TTC13: variants seen among roughly 807,000 people sequenced by gnomAD.
TTC13 encodes the protein tetratricopeptide repeat domain 13, also known as tetratricopeptide repeat protein 13.
TTC13 carries 62 observed loss-of-function variants against 120.0 expected under a neutral mutation model. The ratio of observed to expected loss-of-function variants is 0.52; its 90% confidence interval spans 0.42 to 0.64. TTC13 has a LOEUF of 0.64. TTC13 is among the 30% of genes least tolerant of loss of function. The probability of loss-of-function intolerance (pLI) is 0.00; values close to 1 mark genes in which losing one functional copy is unlikely to be tolerated. For missense variants in TTC13, 824 were observed against 1,050.2 expected, an observed-to-expected ratio of 0.78 and a Z score of 2.98; for synonymous variants, 384 against 393.5, an observed-to-expected ratio of 0.98 and a Z score of 0.28.
chr1:230,932,821 T>C (rs1397932397), intron 9 of TTC13, among the ~76,000 whole-genome samples: 5 of 152,148 alleles, frequency 3.3e-5, no homozygotes, highest in Non-Finnish European at 7.4e-5. Flanking sequence ...TCCGTCGCTG[T>C]CTTTCTTTTC....
intron 20 of TTC13, 165 bp downstream of exon 20, chr1:230,911,305 T>C: frequency 3.9e-6 from 2 of 513,570 alleles, no homozygotes; most frequent in Non-Finnish European, 6.9e-6. Context: ...CTTTTGCTGA[T>C]GTGATAGACT....
chr1:230,957,966 T>G (rs1185033995), intron 3 of TTC13, among the ~76,000 whole-genome samples: 1 of 152,164 alleles, frequency 6.6e-6, no homozygotes, highest in Non-Finnish European at 1.5e-5. Context: ...TCGAAACAGC[T>G]CATAAGAGCT....
At chr1:230,938,101 CAAT>C (rs1674234117) in intron 8 of TTC13, among the ~76,000 whole-genome samples, 1 of 152,220 alleles carries the variant, frequency 6.6e-6, no homozygotes, top group Admixed American at 6.5e-5. Flanking sequence ...AAACCTCTTT[CAAT>C]AATAAAATGT....
chr1:230,921,335 G>T, intron 16 of TTC13, 86 bp downstream of exon 16: 4 of 774,108 alleles, frequency 5.2e-6, no homozygotes, highest in Non-Finnish European at 8.5e-6. Context: ...CCGTCAACAG[G>T]CTTAGTTCTC....
intron 18 of TTC13, among the ~76,000 whole-genome samples, chr1:230,913,419 G>T (rs183936330): frequency 3.3e-4 from 50 of 152,300 alleles, no homozygotes; most frequent in South Asian, 4.1e-4. Flanking sequence ...GAGAGCATTG[G>T]CATGATCATA....
In TTC13 at chr1:230,961,937, G is replaced by A. The variant is rs114522847; in HGVS notation, c.272-634C>T. ...TTAAAAGATACACCCTAGGCCAGGC[G>A]TGGTGGCTCACACCTGTAATCCCAG... On this transcript the variant is annotated intron_variant, in intron 1 of 22. Coordinates refer to ENST00000366661, the MANE Select transcript of TTC13 (RefSeq NM_024525.5). Among the ~76,000 whole-genome samples, 493 of 152,132 alleles carry A rather than the reference G, an allele frequency of 3.2e-3. 2 individuals are homozygous for A. The highest frequency in any genetic ancestry group is 5.6e-3 in the Non-Finnish European group (378 of 67,986).
intron 1 of TTC13, among the ~76,000 whole-genome samples, chr1:230,975,392 A>G (rs1256057943): frequency 6.6e-6 from 1 of 152,142 alleles, no homozygotes; most frequent in African/African-American, 2.4e-5. Flanking sequence ...TAGAAAAAAC[A>G]ACAGCACCTA....
At chr1:230,955,697 T>C (rs1397417213) in intron 3 of TTC13, among the ~76,000 whole-genome samples, 1 of 145,086 alleles carries the variant, frequency 6.9e-6, no homozygotes, top group Admixed American at 6.8e-5. Context: ...GAGTAAAAAA[T>C]TAAAGCAGAA....
chr1:230,962,070 C>G (rs9970079), intron 1 of TTC13, among the ~76,000 whole-genome samples: 2,378 of 152,112 alleles, frequency 0.016, 58 homozygotes, highest in African/African-American at 0.053. Context: ...ATTAGCCAGG[C>G]GTGGTGGCAG....
chr1:230,922,042 G>T (rs1159160712), intron 15 of TTC13, among the ~76,000 whole-genome samples: 1 of 152,122 alleles, frequency 6.6e-6, no homozygotes, highest in African/African-American at 2.4e-5. Flanking sequence ...ACTGCTCCCA[G>T]GACATCGCTC....
intron 12 of TTC13, among the ~76,000 whole-genome samples, chr1:230,927,358 G>T (rs1673135994): frequency 6.6e-6 from 1 of 151,834 alleles, no homozygotes; most frequent in Admixed American, 6.6e-5. Flanking sequence ...GAGTATAAAA[G>T]TTCTCCATAA....
chr1:230,939,097 C>T (rs1674329701), intron 8 of TTC13, among the ~76,000 whole-genome samples: 1 of 152,214 alleles, frequency 6.6e-6, no homozygotes, highest in South Asian at 2.1e-4. Flanking sequence ...TCTTTCTTAT[C>T]TACATTTTCA....
chr1:230,965,795 A>ACC (rs2102983457), intron 1 of TTC13, among the ~76,000 whole-genome samples: 1 of 151,814 alleles, frequency 6.6e-6, no homozygotes, highest in Non-Finnish European at 1.5e-5. Context: ...ACAGGCATGC[A>ACC]CCACCACACC....
intron 3 of TTC13, among the ~76,000 whole-genome samples, chr1:230,955,004 A>G (rs998732424): frequency 2.6e-5 from 4 of 152,230 alleles, no homozygotes; most frequent in Admixed American, 6.5e-5. Context: ...TACACTAAAG[A>G]TGAACCACTT....
rs1036103431 is a variant in TTC13 at position 230,931,668 on chromosome 1, T to A, written c.1125+68A>T. The A allele has an allele frequency of 1.9e-6, 3 of 1,573,790 alleles. No homozygotes were observed. In the African/African-American group the frequency reaches 4.1e-5, roughly 21 times the overall value. ...TTCTCAGTCCCCCTTCTCTATTCATTTCACTAAACTTCAATGAAGAATAAT... is the reference window on the plus strand; with the variant it reads ...TTCTCAGTCCCCCTTCTCTATTCATATCACTAAACTTCAATGAAGAATAAT... On this transcript the variant is annotated intron_variant, in intron 10 of 22. Transcript: ENST00000366661.
At chr1:230,929,153 C>T (rs1389422450) in intron 11 of TTC13, 60 bp from the exon 12 acceptor site, 6 of 1,522,904 alleles carry the variant, frequency 3.9e-6, no homozygotes, top group Non-Finnish European at 5.4e-6. Context: ...TTTCTTATGG[C>T]TAGCTGCCAT....
chr1:230,973,641 A>G (rs1460675519), intron 1 of TTC13, among the ~76,000 whole-genome samples: 1 of 152,256 alleles, frequency 6.6e-6, no homozygotes, highest in Non-Finnish European at 1.5e-5. Flanking sequence ...TTTCAAGGCG[A>G]GAGGAGAAAA....
intron 1 of TTC13, among the ~76,000 whole-genome samples, chr1:230,968,677 A>T (rs1677409931): frequency 1.3e-5 from 2 of 152,294 alleles, no homozygotes; most frequent in African/African-American, 4.8e-5. Context: ...TACAGCAAGT[A>T]AAAAGGAGAG....
chr1:230,959,802 C>T (rs1256954674), intron 2 of TTC13, among the ~76,000 whole-genome samples: 1 of 152,258 alleles, frequency 6.6e-6, no homozygotes, highest in African/African-American at 2.4e-5. Flanking sequence ...CACAGCTCAA[C>T]ATCACTAGTA....
Sources: allele counts gnomAD v4.1 joint callset (sites outside exome capture counted in the v4.1 genomes callset), GRCh38; gene constraint gnomAD v4.1.1; transcripts MANE v1.5; gene names NCBI Gene and HGNC (gene_info 2026-07-23, HGNC 2026-07-21).